PPP1R9A: variants seen among roughly 807,000 people sequenced by gnomAD.
PPP1R9A encodes protein phosphatase 1 regulatory subunit 9A.
PPP1R9A carries 59 observed loss-of-function variants against 141.9 expected under a neutral mutation model. The ratio of observed to expected loss-of-function variants is 0.42; its 90% CI spans 0.34 to 0.52. The LOEUF is 0.52. Among genes scored for constraint, PPP1R9A ranks in the 20% least tolerant of loss-of-function variants. The pLI, the probability that PPP1R9A is intolerant of heterozygous loss-of-function variation, is 0.10. For synonymous variants in PPP1R9A, 500 were observed against 569.7 expected (o/e 0.88, Z 1.74); for missense variants, 1,444 against 1,611.9 (o/e 0.90, Z 1.78).
Position 95,252,070 on chromosome 7 carries a change from G to A in PPP1R9A, c.2605G>A (p.Gly869Arg). The change falls in exon 12 of 20, where the codon GGG (glycine) becomes AGG (arginine). Residue 869 changes from glycine to arginine, a missense_variant. Coordinates refer to ENST00000433360, the MANE Select transcript of PPP1R9A (RefSeq NM_001166160.2). ...AACATCTCTTGGTGAAGTCTCTAAA[G>A]GGGATACCATGGAGAACTTGGATGG... ...RRTSLGEVSK[G>R]DTMENLDGKQ... The A allele has an allele frequency of 6.2e-7, 1 of 1,612,552 alleles. No individual in the cohort carries two copies. Among genetic ancestry groups the A allele is most frequent in the Non-Finnish European group, 8.5e-7 (1 of 1,179,546 alleles).
At chr7:95,278,990 G>A (rs1287132566) in intron 16 of PPP1R9A, among the ~76,000 whole-genome samples, 1 of 152,106 alleles carries the variant, frequency 6.6e-6, no homozygotes, top group Non-Finnish European at 1.5e-5. Flanking sequence ...TCACATTGAA[G>A]TACATTTCAA....
rs568323645 is a variant in PPP1R9A at position 94,985,862 on chromosome 7, A to G, written c.1395+74354A>G. ...TTAAATATTCTTCAACTTAATTTTA[A>G]TAGCTAATGGCAATTGCCATGTATG... On this transcript the variant is annotated intron_variant, in intron 2 of 19. Coordinates refer to ENST00000433360, the MANE Select transcript of PPP1R9A (RefSeq NM_001166160.2). Among the ~76,000 whole-genome samples the G allele has an allele frequency of 5.3e-5, 8 of 152,322 alleles. No individual in the cohort carries two copies. In the South Asian group the frequency reaches 1.7e-3, roughly 32 times the overall value.
chr7:94,911,145 A>G lies in PPP1R9A; in HGVS notation c.1032A>G (p.Leu344=). 6.2e-7 allele frequency: 1 copy of G among 1,614,210 alleles called. No individual in the cohort carries two copies. Among genetic ancestry groups the G allele is most frequent in the African/African-American group, 1.3e-5 (1 of 75,058 alleles). The stretch of plus-strand genomic sequence containing the variant: ...TCCCTTCACCACAAAGCCAACTGTT[A>G]GAAGATGCTGAAGCTAATTTGGTTG... ...SEIPSPQSQL[L]EDAEANLVGR... is the part of the protein sequence containing the mutation. Residue 344 remains leucine, a synonymous_variant, in exon 2 of 20, where the codon TTA becomes TTG. Transcript: ENST00000433360.
At chr7:94,990,131 C>T (rs1801331425) in intron 2 of PPP1R9A, among the ~76,000 whole-genome samples, 1 of 151,860 alleles carries the variant, frequency 6.6e-6, no homozygotes, top group African/African-American at 2.4e-5. Context: ...TATAAAGAGC[C>T]CTGGATTTAG....
At chr7:94,971,429 A>G (rs1486289522) in intron 2 of PPP1R9A, among the ~76,000 whole-genome samples, 2 of 152,180 alleles carry the variant, frequency 1.3e-5, no homozygotes. Flanking sequence ...TTTATTACCC[A>G]TGGCCAGATT....
chr7:95,021,575 G>T (rs981050432), intron 2 of PPP1R9A, among the ~76,000 whole-genome samples: 1 of 151,896 alleles, frequency 6.6e-6, no homozygotes, highest in Admixed American at 6.6e-5. Context: ...ATTGCCTAGG[G>T]TTACTTCTAG....
At chr7:95,267,884 C>T (rs1051783364) in intron 12 of PPP1R9A, among the ~76,000 whole-genome samples, 12 of 152,048 alleles carry the variant, frequency 7.9e-5, no homozygotes, top group African/African-American at 1.9e-4. Flanking sequence ...TAAGTACTTA[C>T]GATTTTTTAA....
chr7:95,275,406 A>G (rs1802984631), intron 16 of PPP1R9A, among the ~76,000 whole-genome samples: 1 of 149,410 alleles, frequency 6.7e-6, no homozygotes, highest in South Asian at 2.1e-4. Flanking sequence ...TCCGTCTCAA[A>G]AAAAAAAAAA....
intron 2 of PPP1R9A, among the ~76,000 whole-genome samples, chr7:94,924,565 G>T (rs1039833416): frequency 1.1e-4 from 16 of 152,164 alleles, no homozygotes; most frequent in Admixed American, 4.6e-4. Context: ...GTCTTGCTCT[G>T]TTGCCCAGGC....
intron 2 of PPP1R9A, among the ~76,000 whole-genome samples, chr7:94,938,232 A>G (rs1193909660): frequency 6.6e-6 from 1 of 152,118 alleles, no homozygotes; most frequent in East Asian, 1.9e-4. Flanking sequence ...TGAACTCTGC[A>G]TGTGGAGGGA....
intron 2 of PPP1R9A, among the ~76,000 whole-genome samples, chr7:95,060,079 T>C (rs1437776487): frequency 2.0e-5 from 3 of 152,130 alleles, no homozygotes; most frequent in Admixed American, 2.0e-4. Flanking sequence ...GTCTACCCCA[T>C]CCCCAGTTCT....
At chr7:95,108,763 TG>T (rs1820026404) in intron 2 of PPP1R9A, 1 of 152,216 alleles carries the variant, frequency 6.6e-6, no homozygotes, top group South Asian at 2.1e-4. Context: ...TCAGAGTGTT[TG>T]GGATCCTGAA....
At chr7:95,233,328 A>G (rs1005844405) in intron 8 of PPP1R9A, among the ~76,000 whole-genome samples, 3 of 149,450 alleles carry the variant, frequency 2.0e-5, no homozygotes, top group Non-Finnish European at 3.0e-5. Flanking sequence ...ATGAGAAGAT[A>G]TGGGCACAGG....
At chr7:95,100,844 A>ATTTT (rs34210406) in intron 2 of PPP1R9A, among the ~76,000 whole-genome samples, 4 of 70,134 alleles carry the variant, frequency 5.7e-5, no homozygotes, top group East Asian at 4.8e-4. Flanking sequence ...TCTTTGTCTG[A>ATTTT]TTTTTTTTTT....
intron 2 of PPP1R9A, among the ~76,000 whole-genome samples, chr7:95,003,341 A>C (rs1350231858): frequency 6.6e-6 from 1 of 152,122 alleles, no homozygotes; most frequent in Non-Finnish European, 1.5e-5. Flanking sequence ...AAGGAAATAA[A>C]ATTTCCGGGT....
chr7:95,273,201 A>G (rs1469930266), intron 14 of PPP1R9A, among the ~76,000 whole-genome samples: 1 of 152,186 alleles, frequency 6.6e-6, no homozygotes, highest in Non-Finnish European at 1.5e-5. Flanking sequence ...TGCTCTGAAC[A>G]CTGAGGAGAT....
intron 2 of PPP1R9A, among the ~76,000 whole-genome samples, chr7:94,917,656 C>T (rs912393354): frequency 1.3e-5 from 2 of 151,762 alleles, no homozygotes; most frequent in Non-Finnish European, 1.5e-5. Context: ...GACCCTCCTG[C>T]CTTGGCCTCC....
At position 95,178,094 on chromosome 7, in the gene PPP1R9A, G is replaced by A. The variant is rs562402532; in HGVS notation, c.1754+16123G>A. Among the ~76,000 whole-genome samples the A allele has an allele frequency of 3.9e-5, 6 of 152,180 alleles. No individual in the cohort carries two copies. In the South Asian group the frequency reaches 1.2e-3, roughly 32 times the overall value. ...CACAGAATATACATTCTATTCAACAGTGCATGGAACTTTCTCCAAGATAGA... is the reference window on the plus strand; with the variant it reads ...CACAGAATATACATTCTATTCAACAATGCATGGAACTTTCTCCAAGATAGA... On this transcript the variant is annotated intron_variant, in intron 5 of 19. Transcript: ENST00000433360.
intron 2 of PPP1R9A, among the ~76,000 whole-genome samples, chr7:94,923,574 A>G (rs1225838478): frequency 6.6e-6 from 1 of 152,174 alleles, no homozygotes; most frequent in Non-Finnish European, 1.5e-5. Flanking sequence ...TTCCTGTCCT[A>G]AAACACCAGC....
Sources: gnomAD v4.1 joint callset for allele counts (sites outside exome capture counted in the v4.1 genomes callset) on GRCh38, gnomAD v4.1.1 for gene constraint, MANE v1.5 for transcripts, NCBI Gene and HGNC (gene_info 2026-07-23, HGNC 2026-07-21) for gene names.